MUC5B: variants seen among roughly 807,000 people sequenced by gnomAD.
The protein encoded by MUC5B is mucin 5B, oligomeric mucus/gel-forming, also known as mucin-5B.
Under a neutral mutation model 376.9 loss-of-function variants are expected in MUC5B, and 116 were observed. The observed-to-expected ratio is 0.31, with a 90% confidence interval of 0.26 to 0.36. MUC5B has a LOEUF of 0.36. Among genes scored for constraint, MUC5B ranks in the 10% least tolerant of loss-of-function variants. The pLI, the probability that MUC5B is intolerant of heterozygous loss-of-function variation, is 1.00. For missense variants in MUC5B, 7,165 were observed against 7,769.9 expected (o/e 0.92, Z 2.93); for synonymous variants, 3,517 against 3,390.9 (o/e 1.04, Z -1.29).
rs749836229 is a variant in MUC5B, at chr11:1,257,726, G to A, written c.16450+16G>A. On this transcript the variant is annotated intron_variant, in intron 41 of 48. Transcript: ENST00000529681. The surrounding 1 kb of genome is among the most constrained non-coding windows in gnomAD (Gnocchi z 8.9). ...ACGGTGTGCGGTAAGACGCTGCAGA[G>A]CAGAGGTGCCCGGCATAGGGTGAGG... The A allele has an allele frequency of 2.1e-5, 32 of 1,532,548 alleles. No individual in the cohort carries two copies. The Admixed American group carries it at 6.1e-4, about 29-fold the overall frequency. The allele number at this position is 1,532,548 out of a possible 1,614,324, so 94.9% of individuals were successfully genotyped here. A position where few individuals can be genotyped will look rare whatever the true frequency, so the allele number is the denominator to read the frequency against.
At position 1,252,850 on chromosome 11, in the gene MUC5B, G is replaced by T; in HGVS notation, c.15087G>T (p.Arg5029Ser). 1 of 1,612,158 alleles carries T rather than the reference G, an allele frequency of 6.2e-7. No individual in the cohort carries two copies. Among genetic ancestry groups the T allele is most frequent in the Non-Finnish European group, 8.5e-7 (1 of 1,179,670 alleles). The change falls in exon 33 of 49, where the codon AGG becomes AGT. Residue 5029 changes from arginine to serine, a missense_variant. Around this residue, in one of 31 missense-constraint regions of MUC5B, gnomAD observed 842 missense variants for 1,016.9 expected, o/e 0.83. Transcript: ENST00000529681. ...CCCTGGAGAACTGCACGGTGGCCAG[G>T]TGCGTGGGTGACAACCGTGTCGTCC... Reference protein sequence around the residue: ...TWTLENCTVARCVGDNRVVLL... With the variant: ...TWTLENCTVASCVGDNRVVLL...
In MUC5B at chr11:1,251,615, G is replaced by A; in HGVS notation, c.14735G>A (p.Ser4912Asn). Reference protein sequence around the residue: ...TTRTPAVLPSSLPTFSVSTVS... With the variant: ...TTRTPAVLPSNLPTFSVSTVS... Reference sequence around the variant, plus strand: ...CGCACCCCTGCAGTGCTCCCCAGCAGCCTGCCAACCTTCAGCGTGTCCACT... The same window carrying A: ...CGCACCCCTGCAGTGCTCCCCAGCAACCTGCCAACCTTCAGCGTGTCCACT... Residue 4912 changes from serine to asparagine, a missense_variant, in exon 31 of 49, where the codon AGC becomes AAC. This residue lies in a region of MUC5B where 730 missense variants were observed against 592.7 expected (regional missense o/e 1.23). Transcript: ENST00000529681. 1 of 1,613,032 alleles carries A rather than the reference G, an allele frequency of 6.2e-7. No individual in the cohort carries two copies. Among genetic ancestry groups the A allele is most frequent in the Non-Finnish European group, 8.5e-7 (1 of 1,179,782 alleles).
rs771499314 is a variant in MUC5B at position 1,249,892 on chromosome 11, C to T, written c.13012C>T (p.Pro4338Ser). ...SSTLGTTGTL[P>S]EQTTTPVATM... is the part of the protein sequence containing the mutation. ...CACCCTTGGGACCACCGGGACCCTC[C>T]CAGAACAGACCACCACACCCGTGGC... is the stretch of plus-strand genomic sequence containing the variant. The change falls in exon 31 of 49, where the codon CCA (proline) becomes TCA (serine). Residue 4338 changes from proline to serine, a missense_variant. By Grantham distance (74) the Pro-to-Ser change is moderately conservative. Coordinates refer to ENST00000529681, the MANE Select transcript of MUC5B (RefSeq NM_002458.3). 6.2e-6 allele frequency: 10 copies of T among 1,612,838 alleles called. No individual in the cohort carries two copies. The African/African-American group carries it at 1.3e-4, about 22-fold the overall frequency.
Position 1,253,131 on chromosome 11 carries a change from C to A in MUC5B, c.15217+151C>A, listed in dbSNP as rs1266766501. ...TGGGGCATGGTGGGGTGCAGTGGGG[C>A]ATGGTGGGGCATGGTGGGGTGTGGT... On this transcript the variant is annotated intron_variant, in intron 33 of 48. Transcript: ENST00000529681. The surrounding 1 kb of genome is among the most constrained non-coding windows in gnomAD (Gnocchi z 4.3). 3.6e-5 allele frequency: 24 copies of A among 669,066 alleles called. No individual in the cohort carries two copies. The highest frequency in any genetic ancestry group is 4.0e-5 in the Non-Finnish European group (16 of 400,474). 41.4% of individuals were successfully genotyped at this position (669,066 alleles called of 1,614,324 possible).
Position 1,232,112 on chromosome 11 carries a change from A to T in MUC5B, c.1795A>T (p.Asn599Tyr), listed in dbSNP as rs768607920. The T allele has an allele frequency of 6.2e-7, 1 of 1,612,608 alleles. No homozygotes were observed. The highest frequency in any genetic ancestry group is 8.5e-7 in the Non-Finnish European group (1 of 1,179,678). The change falls in exon 15 of 49, where the codon AAT becomes TAT. Residue 599 changes from asparagine (N) to tyrosine (Y), a missense_variant. This residue lies in a region of MUC5B where 530 missense variants were observed against 604.0 expected (regional missense o/e 0.88). Transcript: ENST00000529681. Reference protein sequence around the residue: ...NTWKAQAACANARNSFEDPCS... With the variant: ...NTWKAQAACAYARNSFEDPCS... ...CTGGAAGGCCCAGGCTGCCTGTGCC[A>T]ATGCCAGGAACAGCTTTGAGGACCC...
Position 1,234,437 on chromosome 11 carries a change from T to C in MUC5B, c.2479-92T>C. Reference sequence around the variant, plus strand: ...CTCCGCCCTGGCCCATGCGTTGCCCTGGGTGCTGCTGGGTGCGCCTGTCCC... The same window carrying C: ...CTCCGCCCTGGCCCATGCGTTGCCCCGGGTGCTGCTGGGTGCGCCTGTCCC... On this transcript the variant is annotated intron_variant, in intron 20 of 48. Coordinates refer to ENST00000529681, the MANE Select transcript of MUC5B (RefSeq NM_002458.3). The surrounding 1 kb of genome is among the most constrained non-coding windows in gnomAD (Gnocchi z 6.3). 1 of 1,513,302 alleles carries C rather than the reference T, an allele frequency of 6.6e-7. No homozygotes were observed. The highest frequency in any genetic ancestry group is 8.9e-7 in the Non-Finnish European group (1 of 1,121,368). The allele number at this position is 1,513,302 out of a possible 1,614,324, so 93.7% of individuals were successfully genotyped here.
chr11:1,261,331 T>C, intron 48 of MUC5B, 58 bp from the exon 49 acceptor site: 1 of 1,470,182 alleles, frequency 6.8e-7, no homozygotes, highest in South Asian at 1.2e-5. Context: ...TCACCATGGC[T>C]GGGCAGAGAA....
At position 1,261,607 on chromosome 11, in the gene MUC5B, G is replaced by A; in HGVS notation, c.17288G>A (p.Ter5763=). 1 of 1,601,980 alleles carries A rather than the reference G, an allele frequency of 6.2e-7. No homozygotes were observed. Among genetic ancestry groups the A allele is most frequent in the Non-Finnish European group, 8.5e-7 (1 of 1,175,428 alleles). Residue 5763 remains the stop codon, a stop_retained_variant, in exon 49 of 49, where the codon TGA becomes TAA. Transcript: ENST00000529681. ...CCGGCCCAGGAGGCCACTGCTGTCTGAGAACGTTCTGCCTCCATCCCCATG... is the reference window on the plus strand; with the variant it reads ...CCGGCCCAGGAGGCCACTGCTGTCTAAGAACGTTCTGCCTCCATCCCCATG... The part of the protein sequence containing the change: ...GFPAQEATAV[*]
Position 1,251,320 on chromosome 11 carries a change from G to A in MUC5B, c.14440G>A (p.Gly4814Arg). The change falls in exon 31 of 49, where the codon GGG becomes AGG. Residue 4814 changes from glycine to arginine, a missense_variant. By Grantham distance (125) the Gly-to-Arg change is moderately radical. Transcript: ENST00000529681. ...NSTATPSSTL[G>R]TTRILTELTT... ...CACGGCCACACCCTCCTCCACTCTG[G>A]GGACGACCCGGATCCTCACTGAGCT... 2 of 1,610,766 alleles carry A rather than the reference G, an allele frequency of 1.2e-6. No individual in the cohort carries two copies. Among genetic ancestry groups the A allele is most frequent in the Non-Finnish European group, 1.7e-6 (2 of 1,177,878 alleles).
At chr11:1,235,038 C>T (rs762170299) in intron 21 of MUC5B, 47 bp from the exon 22 acceptor site, 6 of 1,572,950 alleles carry the variant, frequency 3.8e-6, no homozygotes, top group South Asian at 2.3e-5. Flanking sequence ...TCAGGAAGGC[C>T]GGGAGAGCAG....
rs759248032 is a variant in MUC5B, at chr11:1,244,798, C to T, written c.7918C>T (p.Pro2640Ser). Residue 2640 changes from proline to serine, a missense_variant, in exon 31 of 49, where the codon CCC (proline) becomes TCC (serine). Pro to Ser is a moderately conservative substitution (Grantham distance 74). Around this residue, in one of 31 missense-constraint regions of MUC5B, gnomAD observed 141 missense variants for 111.2 expected, o/e 1.27. Transcript: ENST00000529681. ...LPVWISTTTT[P>S]TTRGSTVTPS... is the part of the protein sequence containing the mutation. ...AGTGTGGATCAGCACAACCACCACACCCACAACCAGAGGTTCCACGGTGAC... is the reference window on the plus strand; with the variant it reads ...AGTGTGGATCAGCACAACCACCACATCCACAACCAGAGGTTCCACGGTGAC... 3.1e-6 allele frequency: 5 copies of T among 1,613,492 alleles called. No individual in the cohort carries two copies. In the East Asian group the frequency reaches 8.9e-5, roughly 29 times the overall value.
At position 1,257,119 on chromosome 11, in the gene MUC5B, C is replaced by A; in HGVS notation, c.16238-121C>A. 1.4e-6 allele frequency: 1 copy of A among 718,968 alleles called. No individual in the cohort carries two copies. The highest frequency in any genetic ancestry group is 2.6e-6 in the Non-Finnish European group (1 of 386,086). 44.5% of individuals were successfully genotyped at this position (718,968 alleles called of 1,614,324 possible). ...AGCCACATCTGACACCCCAAAAGTT[C>A]TCCAGGGCCTTCCATCCCGGGGGGA... On this transcript the variant is annotated intron_variant, in intron 39 of 48. Coordinates refer to ENST00000529681, the MANE Select transcript of MUC5B (RefSeq NM_002458.3). This position sits in a 1 kb window ranked among gnomAD's most constrained non-coding sequence, Gnocchi z 8.9.
At chr11:1,226,073 C>T in intron 2 of MUC5B, 132 bp from the exon 3 acceptor site, 2 of 885,798 alleles carry the variant, frequency 2.3e-6, no homozygotes, top group Non-Finnish European at 3.4e-6. Flanking sequence ...AAAGGGGCTG[C>T]CTTGGCCCCA....
Position 1,255,448 on chromosome 11 carries a change from A to G in MUC5B, c.15956A>G (p.His5319Arg), listed in dbSNP as rs755335644. ...GPFFNACISD[H>R]CRGRLEVPCQ... ...TTCTTCAACGCCTGCATCAGCGACC[A>G]CTGCAGGGGCCGCCTTGAGGTGCCC... is the stretch of plus-strand genomic sequence containing the variant. Residue 5319 changes from histidine to arginine, a missense_variant, in exon 37 of 49, where the codon CAC (histidine) becomes CGC (arginine). This residue lies in a region of MUC5B where 842 missense variants were observed against 1,016.9 expected (regional missense o/e 0.83). Transcript: ENST00000529681. The G allele has an allele frequency of 3.1e-6, 5 of 1,601,564 alleles. No homozygotes were observed. The highest frequency in any genetic ancestry group is 1.3e-5 in the African/African-American group (1 of 74,538).
At chr11:1,238,571 T>C (rs1396579046) in intron 25 of MUC5B, among the ~76,000 whole-genome samples, 3 of 152,114 alleles carry the variant, frequency 2.0e-5, no homozygotes, top group Admixed American at 2.0e-4. Flanking sequence ...AGAGCACATG[T>C]GAAGGCAGGC....
At chr11:1,224,217 C>T (rs988610111) in intron 1 of MUC5B, among the ~76,000 whole-genome samples, 61 of 152,238 alleles carry the variant, frequency 4.0e-4, no homozygotes, top group Admixed American at 1.2e-3. Context: ...CCTCCACGCA[C>T]GTCCAAGTTG....
rs372116275 is a variant in MUC5B, at chr11:1,240,839, T to C, written c.3971-12T>C. The C allele has an allele frequency of 2.8e-5, 44 of 1,598,322 alleles. No homozygotes were observed. The highest frequency in any genetic ancestry group is 3.5e-5 in the Non-Finnish European group (41 of 1,172,846). On this transcript the variant is annotated splice_polypyrimidine_tract_variant and intron_variant, in intron 30 of 48. Coordinates refer to ENST00000529681, the MANE Select transcript of MUC5B (RefSeq NM_002458.3). ...ATGCTGAGCCAGGACCCCTTTCCCA[T>C]GCCCCTTGCAGGCCCGGCCCTCCCG... is the stretch of plus-strand genomic sequence containing the variant.
At position 1,236,259 on chromosome 11, in the gene MUC5B, T is replaced by TAACGCC. The variant is rs113386698; in HGVS notation, c.2881-125_2881-120dup. On this transcript the variant is annotated intron_variant, in intron 23 of 48. Transcript: ENST00000529681. ...GGGTCTCACGGACCCAGCTCACCCC[T>TAACGCC]AACGCCAGCCGCTTGTGCTAAGAGC... 1.5e-5 allele frequency: 14 copies of TAACGCC among 907,490 alleles called. No homozygotes were observed. The African/African-American group carries it at 1.7e-4, about 11-fold the overall frequency. The allele number at this position is 907,490 out of a possible 1,614,324, so 56.2% of individuals were successfully genotyped here. A position where few individuals can be genotyped will look rare whatever the true frequency, so the allele number is the denominator to read the frequency against.
At position 1,243,339 on chromosome 11, in the gene MUC5B, T is replaced by A. The variant is rs752631375; in HGVS notation, c.6459T>A (p.Pro2153=). The A allele has an allele frequency of 2.4e-3, 3,608 of 1,514,686 alleles. 707 individuals carry two copies. The highest frequency in any genetic ancestry group is 8.7e-3 in the African/African-American group (615 of 70,462). 93.8% of individuals were successfully genotyped at this position (1,514,686 alleles called of 1,614,324 possible). A position where few individuals can be genotyped will look rare whatever the true frequency, so the allele number is the denominator to read the frequency against. The part of the protein sequence containing the change: ...TGSTTNPSST[P]GTTPIPPVLT... ...CCACCACCAACCCCTCCTCAACTCC[T>A]GGGACAACTCCCATCCCCCCAGTGC... The change falls in exon 31 of 49, where the codon CCT becomes CCA. Residue 2153 remains proline (P), a synonymous_variant. Coordinates refer to ENST00000529681, the MANE Select transcript of MUC5B (RefSeq NM_002458.3).
Sources: allele counts gnomAD v4.1 joint callset (sites outside exome capture counted in the v4.1 genomes callset), GRCh38; gene constraint gnomAD v4.1.1; regional missense constraint gnomAD v4.1.1; non-coding constraint Gnocchi (gnomAD v3.1); transcripts MANE v1.5; gene names NCBI Gene and HGNC (gene_info 2026-07-23, HGNC 2026-07-21).